The following MOG variants were observed in gnomAD, a reference collection of about 807,000 sequenced individuals.
MOG encodes the protein myelin-oligodendrocyte glycoprotein.
Under a neutral mutation model 35.9 loss-of-function variants are expected in MOG, and 20 were observed. That is an observed-to-expected ratio of 0.56 (90% CI 0.39 to 0.81). The LOEUF (loss-of-function observed/expected upper bound fraction) is 0.81, where lower values mean the gene tolerates loss of function less well. Ranked by LOEUF, MOG falls within the 30% of genes least tolerant of loss-of-function variation. The probability of loss-of-function intolerance (pLI) is 0.00; values close to 1 mark genes in which losing one functional copy is unlikely to be tolerated. For missense variants in MOG, 251 were observed against 301.0 expected (o/e 0.83, Z 1.23); for synonymous variants, 92 against 114.3 (o/e 0.80, Z 1.25).
intron 2 of MOG, chr6:29,661,279 C>T: frequency 1.5e-6 from 1 of 652,194 alleles, no homozygotes; most frequent in Non-Finnish European, 1.9e-6. Flanking sequence ...AGTGCTGGGA[C>T]CAGAAGATGG....
chr6:29,667,724 T>G (rs773210840), intron 4 of MOG, 61 bp downstream of exon 4: 25 of 1,601,116 alleles, frequency 1.6e-5, no homozygotes, highest in Non-Finnish European at 2.0e-5. Context: ...ATAACGGAAA[T>G]GGTCCCGTTC....
chr6:29,670,563 A>T lies in MOG; in HGVS notation c.710-138A>T. 2.6e-6 allele frequency: 4 copies of T among 1,562,406 alleles called. No homozygotes were observed. ...CCCCAGGCTCTTCTGAGAAACTGTG[A>T]AGAGAACCACTTACTGGATCTGTGG... On this transcript the variant is annotated intron_variant, in intron 6 of 7. Coordinates refer to ENST00000376917, the MANE Select transcript of MOG (RefSeq NM_206809.4). The surrounding 1 kb of genome is among the most constrained non-coding windows in gnomAD (Gnocchi z 4.2).
intron 2 of MOG, chr6:29,659,887 G>T (rs1056177812): frequency 6.6e-6 from 4 of 608,696 alleles, no homozygotes; most frequent in African/African-American, 5.5e-5. Context: ...CCTTTGAGTA[G>T]GTAAGTGACA....
In MOG at chr6:29,662,289, G is replaced by A. The variant is rs1019175216; in HGVS notation, c.436+2623G>A. ...ACCCGAGGTCAGGAGTTCGAGACCA[G>A]CCTGATCAACATGGAGAAACCCCGT... On this transcript the variant is annotated intron_variant, in intron 2 of 7. Transcript: ENST00000376917. This position sits in a 1 kb window ranked among gnomAD's most constrained non-coding sequence, Gnocchi z 4.2. 4.1e-6 allele frequency: 2 copies of A among 490,388 alleles called. No individual in the cohort carries two copies. Among genetic ancestry groups the A allele is most frequent in the Non-Finnish European group, 2.6e-6 (1 of 377,974 alleles). The allele number at this position is 490,388 out of a possible 1,614,324, so 30.4% of individuals were successfully genotyped here. A position where few individuals can be genotyped will look rare whatever the true frequency, so the allele number is the denominator to read the frequency against.
chr6:29,657,515 C>T (rs1423585933), intron 1 of MOG, among the ~76,000 whole-genome samples: 2 of 151,600 alleles, frequency 1.3e-5, no homozygotes. Context: ...ACAGAGTCTC[C>T]CTCTGTTGCT....
At chr6:29,665,386 G>A (rs753120799) in intron 2 of MOG, among the ~76,000 whole-genome samples, 6 of 152,064 alleles carry the variant, frequency 3.9e-5, no homozygotes, top group Non-Finnish European at 7.4e-5. Context: ...GTGAGCCACC[G>A]CACCTGGCCA....
intron 2 of MOG, among the ~76,000 whole-genome samples, chr6:29,664,198 TTTTA>T (rs1174791441): frequency 2.7e-5 from 4 of 149,802 alleles, no homozygotes; most frequent in African/African-American, 5.0e-5. Context: ...TTCTTTTTTC[TTTTA>T]TTTATTTATT....
chr6:29,659,751 C>A, intron 2 of MOG, 85 bp downstream of exon 2: 1 of 1,066,410 alleles, frequency 9.4e-7, no homozygotes. Context: ...ATCCCTCAAC[C>A]CAAACATCTC....
chr6:29,670,397 G>A lies in MOG; in HGVS notation c.709G>A (p.Gly237Arg). The A allele has an allele frequency of 6.2e-7, 1 of 1,613,918 alleles. No homozygotes were observed. Among genetic ancestry groups the A allele is most frequent in the South Asian group, 1.1e-5 (1 of 91,070 alleles). The change falls in exon 6 of 8, where the codon GGG becomes AGG. Residue 237 changes from glycine to arginine, a missense_variant and splice_region_variant. Gly to Arg is a moderately radical substitution (Grantham distance 125). Transcript: ENST00000376917. This position sits in a 1 kb window ranked among gnomAD's most constrained non-coding sequence, Gnocchi z 4.2. Reference sequence around the variant, plus strand: ...CAACTGGCTACATCGAAGACTAGCAGGTGCAGTGGCTGGGCAGCAGGCAAG... The same window carrying A: ...CAACTGGCTACATCGAAGACTAGCAAGTGCAGTGGCTGGGCAGCAGGCAAG... ...CYNWLHRRLA[G>R]QFLEELRNPF is the part of the protein sequence containing the mutation.
At chr6:29,663,003 C>T (rs1562189612) in intron 2 of MOG, among the ~76,000 whole-genome samples, 1 of 152,186 alleles carries the variant, frequency 6.6e-6, no homozygotes, top group Non-Finnish European at 1.5e-5. Flanking sequence ...GGCGCGGTGG[C>T]TCACACCTGT....
At chr6:29,663,266 CA>C (rs34825987) in intron 2 of MOG, among the ~76,000 whole-genome samples, 8,366 of 61,328 alleles carry the variant, frequency 0.14, 178 homozygotes, top group South Asian at 0.23. Context: ...GAGTGAGACT[CA>C]AAAAAAAAAA....
At position 29,662,825 on chromosome 6, in the gene MOG, CTAA is replaced by C. The variant is rs932219682; in HGVS notation, c.436+3161_436+3163del. Among the ~76,000 whole-genome samples the C allele has an allele frequency of 6.6e-6, 1 of 152,102 alleles. No individual in the cohort carries two copies. The highest frequency in any genetic ancestry group is 2.4e-5 in the African/African-American group (1 of 41,404). ...CACAGGCACACACCACCACACACTG[CTAA>C]TGTTTTGTATTTTTTGTAGAGACTG... On this transcript the variant is annotated intron_variant, in intron 2 of 7. Transcript: ENST00000376917. The surrounding 1 kb of genome is among the most constrained non-coding windows in gnomAD (Gnocchi z 4.2).
Position 29,661,579 on chromosome 6 carries a change from G to T in MOG, c.436+1913G>T. 3.1e-6 allele frequency: 3 copies of T among 976,854 alleles called. No homozygotes were observed. In the African/African-American group the frequency reaches 5.3e-5, roughly 17 times the overall value. The allele number at this position is 976,854 out of a possible 1,614,324, so 60.5% of individuals were successfully genotyped here. Reference sequence around the variant, plus strand: ...CTCACACCTATAATCCCAAAACTTTGGGAGGCCGAGGCGGGTGGATCACCT... The same window carrying T: ...CTCACACCTATAATCCCAAAACTTTTGGAGGCCGAGGCGGGTGGATCACCT... On this transcript the variant is annotated intron_variant, in intron 2 of 7. Transcript: ENST00000376917.
chr6:29,660,309 C>T (rs1174706088), intron 2 of MOG, among the ~76,000 whole-genome samples: 3 of 150,610 alleles, frequency 2.0e-5, no homozygotes, highest in African/African-American at 7.3e-5. Flanking sequence ...ATCACAAGGT[C>T]AGGAGATCGA....
At chr6:29,666,396 GAAAAA>G in intron 3 of MOG, 131 bp downstream of exon 3, 1 of 626,868 alleles carries the variant, frequency 1.6e-6, no homozygotes, top group South Asian at 1.9e-5. Flanking sequence ...GAGTGATAAA[GAAAAA>G]AAATAACTCC....
chr6:29,658,406 C>T (rs989461997), intron 1 of MOG, among the ~76,000 whole-genome samples: 3 of 151,954 alleles, frequency 2.0e-5, no homozygotes, highest in Admixed American at 6.6e-5. Context: ...GGTCAGGGTC[C>T]GGGAGCCACA....
chr6:29,664,212 TTA>T (rs1054349635), intron 2 of MOG, among the ~76,000 whole-genome samples: 24 of 148,658 alleles, frequency 1.6e-4, no homozygotes, highest in African/African-American at 5.1e-4. Context: ...ATTTATTTAT[TTA>T]TTTTTTTTTT....
chr6:29,661,816 CAAAAAAA>C (rs9278231), intron 2 of MOG: 6 of 874,390 alleles, frequency 6.9e-6, no homozygotes, highest in Middle Eastern at 5.8e-4. Flanking sequence ...AACTCCATCT[CAAAAAAA>C]AAAAAAAAAA....
At chr6:29,668,043 C>A (rs1301462798) in intron 5 of MOG, 119 bp downstream of exon 5, 6 of 924,810 alleles carry the variant, frequency 6.5e-6, no homozygotes, top group Non-Finnish European at 8.8e-6. Context: ...CTTCTCTTTT[C>A]TTTCTTTAAA....
Sources: gnomAD v4.1 joint callset for allele counts (sites outside exome capture counted in the v4.1 genomes callset) on GRCh38, gnomAD v4.1.1 for gene constraint, Gnocchi (gnomAD v3.1) non-coding constraint, MANE v1.5 for transcripts, NCBI Gene and HGNC (gene_info 2026-07-23, HGNC 2026-07-21) for gene names.